Variants in ROBO1 observed in about 807,000 individuals in gnomAD.
The protein encoded by ROBO1 is roundabout homolog 1.
ROBO1 carries 149 observed loss-of-function variants against 195.9 expected under a neutral mutation model. The observed-to-expected ratio is 0.76, with a 90% CI of 0.67 to 0.87. The LOEUF (loss-of-function observed/expected upper bound fraction) is 0.87. Among genes scored for constraint, ROBO1 ranks in the 40% least tolerant of loss-of-function variants. ROBO1 has a pLI of 0.00. For missense variants in ROBO1, 1,933 were observed against 2,068.3 expected (o/e 0.93, Z 1.27); for synonymous variants, 816 against 733.2 (o/e 1.11, Z -1.82).
At chr3:79,048,805 C>T (rs1484900397) in intron 3 of ROBO1, among the ~76,000 whole-genome samples, 2 of 152,084 alleles carry the variant, frequency 1.3e-5, no homozygotes, top group African/African-American at 2.4e-5. Context: ...AGCTGAGGGG[C>T]CTGACTGTTA....
intron 3 of ROBO1, among the ~76,000 whole-genome samples, chr3:78,988,362 C>A (rs890383393): frequency 1.3e-5 from 2 of 152,020 alleles, no homozygotes; most frequent in Non-Finnish European, 2.9e-5. Flanking sequence ...TTTCAATTAG[C>A]AAAAATTCAA....
At chr3:78,929,595 C>T (rs535174740) in intron 4 of ROBO1, among the ~76,000 whole-genome samples, 24 of 151,998 alleles carry the variant, frequency 1.6e-4, no homozygotes, top group East Asian at 9.7e-4. Context: ...CTCCACATCC[C>T]GGGCTCAACC....
At chr3:79,236,082 G>T (rs1302258600) in intron 2 of ROBO1, among the ~76,000 whole-genome samples, 2 of 151,942 alleles carry the variant, frequency 1.3e-5, no homozygotes, top group Non-Finnish European at 2.9e-5. Flanking sequence ...CTTGTTAAGG[G>T]CATATATCTC....
chr3:79,325,906 A>T (rs1464587608), intron 2 of ROBO1, among the ~76,000 whole-genome samples: 1 of 152,098 alleles, frequency 6.6e-6, no homozygotes, highest in Non-Finnish European at 1.5e-5. Flanking sequence ...TTGAAAAGCA[A>T]ATGGGAGAAA....
chr3:79,678,409 C>T (rs562197826), intron 1 of ROBO1, among the ~76,000 whole-genome samples: 33 of 151,970 alleles, frequency 2.2e-4, no homozygotes, highest in Middle Eastern at 6.8e-3. Flanking sequence ...AGTAAGACTC[C>T]TTTTAGTCTG....
At chr3:79,603,733 T>C (rs1474939990) in intron 1 of ROBO1, among the ~76,000 whole-genome samples, 3 of 151,934 alleles carry the variant, frequency 2.0e-5, no homozygotes, top group African/African-American at 7.2e-5. Context: ...ATTTTAGAGA[T>C]CTGGAGGGGC....
intron 1 of ROBO1, among the ~76,000 whole-genome samples, chr3:79,619,459 T>G (rs1944933830): frequency 6.6e-6 from 1 of 152,106 alleles, no homozygotes; most frequent in African/African-American, 2.4e-5. Flanking sequence ...ACATACTCGA[T>G]AATGGTTCTA....
At chr3:79,732,533 A>T (rs555697899) in intron 1 of ROBO1, among the ~76,000 whole-genome samples, 3 of 152,238 alleles carry the variant, frequency 2.0e-5, no homozygotes, top group African/African-American at 4.8e-5. Flanking sequence ...AAAAGTGTTT[A>T]AAAAAAGTTC....
intron 2 of ROBO1, among the ~76,000 whole-genome samples, chr3:79,267,835 T>C (rs2030127442): frequency 6.6e-6 from 1 of 151,568 alleles, no homozygotes; most frequent in Admixed American, 6.6e-5. Flanking sequence ...TTGAATATAA[T>C]TTTCAATTTC....
intron 8 of ROBO1, among the ~76,000 whole-genome samples, chr3:78,695,706 C>G (rs2081274429): frequency 6.7e-6 from 1 of 150,256 alleles, no homozygotes; most frequent in Non-Finnish European, 1.5e-5. Flanking sequence ...CTAAGAACAT[C>G]AGCTAACATG....
At chr3:79,707,408 G>A (rs945986117) in intron 1 of ROBO1, among the ~76,000 whole-genome samples, 1 of 151,954 alleles carries the variant, frequency 6.6e-6, no homozygotes, top group African/African-American at 2.4e-5. Context: ...GTAGCTATAC[G>A]TTTATAAATT....
chr3:78,598,812 CTGAT>C lies in ROBO1; in HGVS notation c.*97_*100del, dbSNP rs1297137771. ...GAATAAAAACGACAATTTGTACACT[CTGAT>C]TGCACTGAACATTTTATCTGGCGTC... is the stretch of plus-strand genomic sequence containing the variant. On this transcript the variant is annotated 3_prime_UTR_variant, in exon 31 of 31. Coordinates refer to ENST00000464233, the MANE Select transcript of ROBO1 (RefSeq NM_002941.4). 7.1e-6 allele frequency: 5 copies of C among 708,162 alleles called. No homozygotes were observed. Among genetic ancestry groups the C allele is most frequent in the African/African-American group, 1.8e-5 (1 of 55,582 alleles). The allele number at this position is 708,162 out of a possible 1,614,324, so 43.9% of individuals were successfully genotyped here. A position where few individuals can be genotyped will look rare whatever the true frequency, so the allele number is the denominator to read the frequency against.
At chr3:78,614,040 C>A (rs1009270950) in intron 28 of ROBO1, among the ~76,000 whole-genome samples, 6 of 152,100 alleles carry the variant, frequency 3.9e-5, no homozygotes, top group African/African-American at 1.4e-4. Flanking sequence ...TGCTGGGCCA[C>A]CTGAGGCACT....
intron 2 of ROBO1, among the ~76,000 whole-genome samples, chr3:79,501,746 C>CT (rs1212485465): frequency 4.6e-5 from 7 of 152,166 alleles, no homozygotes; most frequent in South Asian, 4.2e-4. Flanking sequence ...CCACAAAAGG[C>CT]TTTTTTTAAA....
At chr3:79,292,822 T>C (rs2032337195) in intron 2 of ROBO1, among the ~76,000 whole-genome samples, 1 of 152,190 alleles carries the variant, frequency 6.6e-6, no homozygotes, top group African/African-American at 2.4e-5. Context: ...ATCCAGGATA[T>C]TGGGCTGAAA....
chr3:78,803,423 A>G (rs943228769), intron 4 of ROBO1, among the ~76,000 whole-genome samples: 2 of 152,170 alleles, frequency 1.3e-5, no homozygotes, highest in African/African-American at 2.4e-5. Context: ...AACAAGTTAT[A>G]ATAGAGAACA....
intron 1 of ROBO1, among the ~76,000 whole-genome samples, chr3:79,757,528 C>T (rs1704473466): frequency 7.3e-6 from 1 of 137,132 alleles, no homozygotes; most frequent in Admixed American, 7.1e-5. Flanking sequence ...TATATGCCAT[C>T]CTAGGCTGGG....
chr3:78,913,951 G>A (rs1170371829), intron 4 of ROBO1, among the ~76,000 whole-genome samples: 1 of 152,172 alleles, frequency 6.6e-6, no homozygotes, highest in Non-Finnish European at 1.5e-5. Context: ...GTTTTGTAGT[G>A]AGAACAATTC....
At chr3:78,974,453 C>T (rs552527346) in intron 3 of ROBO1, among the ~76,000 whole-genome samples, 68 of 152,002 alleles carry the variant, frequency 4.5e-4, no homozygotes, top group Non-Finnish European at 7.4e-4. Context: ...ACAGACCAGT[C>T]GATTAGTCAG....
Sources: allele counts gnomAD v4.1 joint callset (sites outside exome capture counted in the v4.1 genomes callset), GRCh38; gene constraint gnomAD v4.1.1; transcripts MANE v1.5; gene names NCBI Gene and HGNC (gene_info 2026-07-23, HGNC 2026-07-21).